Variants in TAF4 observed in about 807,000 individuals in gnomAD.
TAF4 encodes the protein TATA-box binding protein associated factor 4.
In TAF4, 9 loss-of-function variants were observed where a neutral mutation model predicts 90.3. That is an observed-to-expected ratio of 0.10 (90% CI 0.06 to 0.17). The LOEUF (loss-of-function observed/expected upper bound fraction) is 0.17. TAF4 is among the 10% of genes least tolerant of loss of function. The pLI is 1.00. For synonymous variants in TAF4, 818 were observed against 638.9 expected, an observed-to-expected ratio of 1.28 and a Z score of -4.23; for missense variants, 1,351 against 1,370.7, an observed-to-expected ratio of 0.99 and a Z score of 0.23.
intron 1 of TAF4, among the ~76,000 whole-genome samples, chr20:62,046,505 A>G (rs896793828): frequency 3.5e-4 from 53 of 152,220 alleles, no homozygotes; most frequent in African/African-American, 1.3e-3. Flanking sequence ...TTGTAGATTC[A>G]CTGTATTGCT....
At chr20:61,993,404 G>A (rs1029676264) in intron 14 of TAF4, among the ~76,000 whole-genome samples, 1 of 152,186 alleles carries the variant, frequency 6.6e-6, no homozygotes, top group South Asian at 2.1e-4. Context: ...CAAGGGCACC[G>A]CCAGCAATCC....
At chr20:62,003,482 G>T (rs1012681655) in intron 8 of TAF4, among the ~76,000 whole-genome samples, 1 of 152,210 alleles carries the variant, frequency 6.6e-6, no homozygotes, top group Non-Finnish European at 1.5e-5. Flanking sequence ...TTTCATCAAG[G>T]TTTTTAAAGT....
intron 14 of TAF4, among the ~76,000 whole-genome samples, chr20:61,976,893 G>A (rs543058922): frequency 1.8e-4 from 28 of 152,322 alleles, no homozygotes; most frequent in Admixed American, 4.6e-4. Flanking sequence ...CGCCGCCTCC[G>A]TCAGCCCCTA....
rs539632816 is a variant in TAF4 at position 62,042,419 on chromosome 20, C to A, written c.1360+22032G>T. On this transcript the variant is annotated intron_variant, in intron 1 of 14. Coordinates refer to ENST00000252996, the MANE Select transcript of TAF4 (RefSeq NM_003185.4). ...GACCTGATTCTTCCTGGACACCGCA[C>A]AAGGACTCGGGTACCGAGAGGGCAG... Among the ~76,000 whole-genome samples, 5 of 152,388 alleles carry A rather than the reference C, an allele frequency of 3.3e-5. No homozygotes were observed. The South Asian group carries it at 1.0e-3, about 32-fold the overall frequency.
intron 1 of TAF4, among the ~76,000 whole-genome samples, chr20:62,035,057 T>C (rs1223246408): frequency 6.6e-6 from 1 of 152,122 alleles, no homozygotes; most frequent in Admixed American, 6.5e-5. Flanking sequence ...CCTGACCTCA[T>C]GATCCGCCTG....
chr20:62,007,492 C>T (rs1382138478), intron 6 of TAF4, 55 bp downstream of exon 6: 38 of 1,544,582 alleles, frequency 2.5e-5, no homozygotes, highest in Non-Finnish European at 2.9e-5. Context: ...GGTGCATCTG[C>T]GCCCCACCCC....
At chr20:62,059,643 C>G (rs1196187668) in intron 1 of TAF4, among the ~76,000 whole-genome samples, 2 of 152,208 alleles carry the variant, frequency 1.3e-5, no homozygotes, top group Non-Finnish European at 2.9e-5. Flanking sequence ...TATCAAAGGC[C>G]TGATTAAGTA....
intron 14 of TAF4, 38 bp from the exon 15 acceptor site, chr20:61,976,373 G>A: frequency 6.2e-7 from 1 of 1,606,656 alleles, no homozygotes; most frequent in Non-Finnish European, 8.5e-7. Context: ...TGTTAGTGGG[G>A]CTCAGAGTGG....
chr20:62,006,647 C>A lies in TAF4; in HGVS notation c.2086G>T (p.Val696Leu). Residue 696 changes from valine (V) to leucine (L), a missense_variant, in exon 7 of 15, where the codon GTG (valine) becomes TTG (leucine). Transcript: ENST00000252996. The surrounding 1 kb of genome is among the most constrained non-coding windows in gnomAD (Gnocchi z 7.0). The stretch of plus-strand genomic sequence containing the variant: ...CGCTGGACCGAGCTACTCAGCACCA[C>A]GGCCGTGAGCGCAGTGGTGGCCTGC... ...TSQATTALTA[V>L]VLSSSVQRTA... is the part of the protein sequence containing the mutation. 1.3e-6 allele frequency: 2 copies of A among 1,599,384 alleles called. No homozygotes were observed. The highest frequency in any genetic ancestry group is 1.7e-5 in the Admixed American group (1 of 58,930).
In TAF4 at chr20:62,042,731, C is replaced by T. The variant is rs372964721; in HGVS notation, c.1360+21720G>A. Among the ~76,000 whole-genome samples, 123 of 152,380 alleles carry T rather than the reference C, an allele frequency of 8.1e-4. 2 individuals are homozygous for T. In the South Asian group the frequency reaches 0.025, roughly 32 times the overall value. ...CAACAATGTTACTGGTTTACATATTCACTACATTCTACTTCCCATCACTGT... is the reference window on the plus strand; with the variant it reads ...CAACAATGTTACTGGTTTACATATTTACTACATTCTACTTCCCATCACTGT... On this transcript the variant is annotated intron_variant, in intron 1 of 14. Transcript: ENST00000252996.
chr20:62,021,396 G>A (rs1240890510), intron 1 of TAF4, among the ~76,000 whole-genome samples: 2 of 152,214 alleles, frequency 1.3e-5, no homozygotes, highest in South Asian at 4.1e-4. Context: ...CAGGGCGCTG[G>A]GGCTGGCCAC....
At chr20:62,063,512 T>C (rs1432826585) in intron 1 of TAF4, among the ~76,000 whole-genome samples, 3 of 151,956 alleles carry the variant, frequency 2.0e-5, no homozygotes, top group Non-Finnish European at 4.4e-5. Context: ...CCTGTCAAAC[T>C]TGAGGGGCCC....
intron 1 of TAF4, among the ~76,000 whole-genome samples, chr20:62,046,314 T>C (rs1165324566): frequency 1.3e-4 from 20 of 152,256 alleles, no homozygotes; most frequent in Admixed American, 1.2e-3. Context: ...GTGTAACCAC[T>C]ACCACAATCA....
At chr20:62,050,572 A>C (rs939289265) in intron 1 of TAF4, among the ~76,000 whole-genome samples, 1 of 152,050 alleles carries the variant, frequency 6.6e-6, no homozygotes, top group Non-Finnish European at 1.5e-5. Flanking sequence ...AAAGGAATTT[A>C]AATGGTCAAA....
intron 8 of TAF4, 72 bp from the exon 9 acceptor site, chr20:62,003,346 A>G (rs2055719978): frequency 1.3e-5 from 16 of 1,266,282 alleles, no homozygotes; most frequent in Non-Finnish European, 1.8e-5. Flanking sequence ...GGTGCTTTAC[A>G]GGCTCAAGGG....
intron 1 of TAF4, among the ~76,000 whole-genome samples, chr20:62,047,824 A>G (rs2056002070): frequency 6.6e-6 from 1 of 152,228 alleles, no homozygotes; most frequent in South Asian, 2.1e-4. Context: ...CACGCTATCC[A>G]ATGTCAATCA....
At chr20:62,054,464 G>T (rs76335161) in intron 1 of TAF4, among the ~76,000 whole-genome samples, 1 of 152,180 alleles carries the variant, frequency 6.6e-6, no homozygotes, top group African/African-American at 2.4e-5. Flanking sequence ...CTCTGCCATC[G>T]CTGCGCTGGA....
chr20:61,998,531 G>A (rs762584839), intron 12 of TAF4, among the ~76,000 whole-genome samples: 19 of 152,174 alleles, frequency 1.2e-4, no homozygotes, highest in Non-Finnish European at 1.9e-4. Context: ...CACCAGGGAC[G>A]GGACAGCCTG....
chr20:62,065,837 C>T lies in TAF4; in HGVS notation c.-27G>A. On this transcript the variant is annotated 5_prime_UTR_variant, in exon 1 of 15. Coordinates refer to ENST00000252996, the MANE Select transcript of TAF4 (RefSeq NM_003185.4). ...TTTTTTCCTCGGCCGCCGCCGCCGCCGCCGCTCGGGCCGAGCGCGCCTGGG... is the reference window on the plus strand; with the variant it reads ...TTTTTTCCTCGGCCGCCGCCGCCGCTGCCGCTCGGGCCGAGCGCGCCTGGG... 1 of 1,255,086 alleles carries T rather than the reference C, an allele frequency of 8.0e-7. No homozygotes were observed. The highest frequency in any genetic ancestry group is 1.0e-6 in the Non-Finnish European group (1 of 976,574). The allele number at this position is 1,255,086 out of a possible 1,614,324, so 77.7% of individuals were successfully genotyped here. A position where few individuals can be genotyped will look rare whatever the true frequency, so the allele number is the denominator to read the frequency against.
Sources: gnomAD v4.1 joint callset for allele counts (sites outside exome capture counted in the v4.1 genomes callset) on GRCh38, gnomAD v4.1.1 for gene constraint, Gnocchi (gnomAD v3.1) non-coding constraint, MANE v1.5 for transcripts, NCBI Gene and HGNC (gene_info 2026-07-23, HGNC 2026-07-21) for gene names.